Variants in NAV2 observed in about 807,000 individuals in gnomAD.
NAV2 encodes the protein helicase, APC down-regulated 1.
A neutral mutation model predicts 223.2 loss-of-function variants in NAV2; 54 were observed. That is an observed-to-expected ratio of 0.24 (90% CI 0.19 to 0.30). NAV2 has a LOEUF of 0.30. Among genes scored for constraint, NAV2 ranks in the 10% least tolerant of loss-of-function variants. The pLI is 1.00. For synonymous variants in NAV2, 1,279 were observed against 1,239.3 expected (o/e 1.03, Z -0.67); for missense variants, 2,806 against 3,147.5 (o/e 0.89, Z 2.60).
chr11:19,647,488 C>T (rs779081864), intron 1 of NAV2, among the ~76,000 whole-genome samples: 1 of 152,098 alleles, frequency 6.6e-6, no homozygotes, highest in African/African-American at 2.4e-5. Context: ...CCCTCATCCT[C>T]ATTATAACTC....
intron 35 of NAV2, chr11:20,107,424 A>G (rs920022199): frequency 7.4e-6 from 4 of 538,368 alleles, no homozygotes; most frequent in Non-Finnish European, 1.3e-5. Context: ...TGCCACAGTG[A>G]GCATCTTCCC....
chr11:19,997,239 T>C (rs1005874185), intron 11 of NAV2, among the ~76,000 whole-genome samples: 1 of 152,172 alleles, frequency 6.6e-6, no homozygotes, highest in African/African-American at 2.4e-5. Context: ...GGGACGACTT[T>C]GGGTGCCCTA....
intron 1 of NAV2, among the ~76,000 whole-genome samples, chr11:19,815,422 G>A (rs569031450): frequency 6.6e-6 from 1 of 152,336 alleles, no homozygotes; most frequent in African/African-American, 2.4e-5. Context: ...TTTCTTTTGA[G>A]ATAGAATGTT....
At chr11:19,442,091 G>A (rs1272878046) in intron 1 of NAV2, among the ~76,000 whole-genome samples, 2 of 152,230 alleles carry the variant, frequency 1.3e-5, no homozygotes, top group Non-Finnish European at 2.9e-5. Context: ...CCATTTCCTG[G>A]TCTAGCAATC....
chr11:19,572,462 A>T (rs571665526), intron 1 of NAV2, among the ~76,000 whole-genome samples: 1 of 152,268 alleles, frequency 6.6e-6, no homozygotes, highest in Non-Finnish European at 1.5e-5. Flanking sequence ...TCAATATTTT[A>T]TATCTTGACA....
chr11:19,384,118 A>G (rs1848945721), intron 1 of NAV2, among the ~76,000 whole-genome samples: 1 of 152,266 alleles, frequency 6.6e-6, no homozygotes, highest in South Asian at 2.1e-4. Context: ...TATTCAAAGT[A>G]GAAGAAGCAA....
At chr11:20,035,494 C>T (rs566903693) in intron 11 of NAV2, among the ~76,000 whole-genome samples, 21 of 152,240 alleles carry the variant, frequency 1.4e-4, no homozygotes, top group African/African-American at 4.3e-4. Context: ...CTCCCTCGCT[C>T]GGCGTTTCAT....
chr11:19,659,371 C>T (rs1439599934), intron 1 of NAV2, among the ~76,000 whole-genome samples: 1 of 152,100 alleles, frequency 6.6e-6, no homozygotes, highest in Non-Finnish European at 1.5e-5. Flanking sequence ...GGTGTAGGGC[C>T]TTGTGTGACA....
intron 1 of NAV2, among the ~76,000 whole-genome samples, chr11:19,491,537 C>T (rs921191883): frequency 2.0e-5 from 3 of 152,210 alleles, no homozygotes; most frequent in Admixed American, 1.3e-4. Flanking sequence ...GCTTCCTCAT[C>T]TCTCTCAGGC....
chr11:19,877,829 A>T (rs2062952314), intron 4 of NAV2, among the ~76,000 whole-genome samples: 1 of 152,066 alleles, frequency 6.6e-6, no homozygotes, highest in South Asian at 2.1e-4. Context: ...GACTATAGAT[A>T]TGTCACTTCA....
chr11:20,044,686 G>A (rs947259199), intron 13 of NAV2, among the ~76,000 whole-genome samples: 2 of 152,176 alleles, frequency 1.3e-5, no homozygotes, highest in Non-Finnish European at 2.9e-5. Flanking sequence ...TGAAAGATCA[G>A]GAAAGGCAGG....
At chr11:19,565,467 T>G (rs2045238665) in intron 1 of NAV2, among the ~76,000 whole-genome samples, 1 of 152,196 alleles carries the variant, frequency 6.6e-6, no homozygotes. Context: ...GAGATTTGCT[T>G]GTAATTAGCA....
chr11:19,831,917 A>G (rs559337377), intron 1 of NAV2, among the ~76,000 whole-genome samples: 1 of 152,222 alleles, frequency 6.6e-6, no homozygotes, highest in Non-Finnish European at 1.5e-5. Context: ...TAAATTTGAG[A>G]TTATTGTGAG....
At chr11:19,706,816 CTT>C (rs1192094294) in intron 1 of NAV2, among the ~76,000 whole-genome samples, 2 of 152,084 alleles carry the variant, frequency 1.3e-5, no homozygotes, top group Non-Finnish European at 2.9e-5. Context: ...AGAAATGAGT[CTT>C]TAGTCTTTTT....
chr11:19,729,091 C>T (rs1455269684), intron 1 of NAV2, among the ~76,000 whole-genome samples: 2 of 152,076 alleles, frequency 1.3e-5, no homozygotes, highest in Non-Finnish European at 2.9e-5. Flanking sequence ...TCCAAGAATT[C>T]ATATCTTTGA....
intron 17 of NAV2, among the ~76,000 whole-genome samples, chr11:20,053,067 A>C (rs1352920561): frequency 6.6e-6 from 1 of 151,776 alleles, no homozygotes; most frequent in African/African-American, 2.4e-5. Flanking sequence ...AAATACAAAA[A>C]ATTAGCTGGG....
chr11:19,810,436 C>A (rs2058784749), intron 1 of NAV2, among the ~76,000 whole-genome samples: 1 of 152,184 alleles, frequency 6.6e-6, no homozygotes, highest in African/African-American at 2.4e-5. Context: ...GCTAGATCTG[C>A]TTGTTGCTAC....
chr11:20,114,393 T>C (rs2062878341), intron 36 of NAV2, 199 bp from the exon 37 acceptor site: 2 of 603,262 alleles, frequency 3.3e-6, no homozygotes, highest in South Asian at 2.0e-5. Context: ...TCTAGACCAC[T>C]GGGTCATGCT....
At chr11:19,922,798 TG>T (rs2044388856) in intron 6 of NAV2, among the ~76,000 whole-genome samples, 1 of 152,164 alleles carries the variant, frequency 6.6e-6, no homozygotes, top group Non-Finnish European at 1.5e-5. Flanking sequence ...CCATTCTAGC[TG>T]TGGTCTGGGC....
Sources: allele counts gnomAD v4.1 joint callset (sites outside exome capture counted in the v4.1 genomes callset), GRCh38; gene constraint gnomAD v4.1.1; transcripts MANE v1.5; gene names NCBI Gene and HGNC (gene_info 2026-07-23, HGNC 2026-07-21).